The following BBX variants were observed in gnomAD, a reference collection of about 807,000 sequenced individuals.
BBX encodes the protein HMG box transcription factor BBX.
A neutral mutation model predicts 100.2 loss-of-function variants in BBX; 30 were observed. That is an observed-to-expected ratio of 0.30 (90% confidence interval 0.22 to 0.41). BBX has a LOEUF of 0.41. BBX is among the 10% of genes least tolerant of loss of function. The pLI is 1.00. For synonymous variants in BBX, 376 were observed against 388.1 expected, an observed-to-expected ratio of 0.97 and a Z score of 0.37; for missense variants, 1,023 against 1,129.8, an observed-to-expected ratio of 0.91 and a Z score of 1.35.
At chr3:107,712,781 A>G (rs944540826) in intron 4 of BBX, among the ~76,000 whole-genome samples, 2 of 152,200 alleles carry the variant, frequency 1.3e-5, no homozygotes, top group African/African-American at 2.4e-5. Context: ...CTGTGAGGGC[A>G]GGGACTCTGT....
At chr3:107,598,229 T>C (rs1170284551) in intron 2 of BBX, among the ~76,000 whole-genome samples, 3 of 152,220 alleles carry the variant, frequency 2.0e-5, no homozygotes, top group Non-Finnish European at 2.9e-5. Flanking sequence ...CTTAGAACAC[T>C]GCTGACCAAG....
At chr3:107,603,531 A>G (rs760710180) in intron 2 of BBX, among the ~76,000 whole-genome samples, 18 of 151,772 alleles carry the variant, frequency 1.2e-4, no homozygotes, top group South Asian at 4.2e-4. Flanking sequence ...GGTGCATGCC[A>G]CCATGCCTGG....
Position 107,696,337 on chromosome 3 carries a change from G to A in BBX, c.-9-14115G>A, listed in dbSNP as rs574429983. On this transcript the variant is annotated intron_variant, in intron 3 of 17. Coordinates refer to ENST00000325805, the MANE Select transcript of BBX (RefSeq NM_001142568.3). ...GCATGATTTTGCAGTGGCTGGTACC[G>A]GTTGTTCCTTTCCATGTTTAGTGCT... 1.6e-4 allele frequency among the ~76,000 whole-genome samples: 24 copies of A among 151,794 alleles called. 1 individual carries two copies. The South Asian group carries it at 3.5e-3, about 22-fold the overall frequency.
chr3:107,705,717 T>C (rs2061353422), intron 3 of BBX, among the ~76,000 whole-genome samples: 1 of 152,208 alleles, frequency 6.6e-6, no homozygotes. Flanking sequence ...AAGGGTGGAT[T>C]TGCCAACAGT....
intron 6 of BBX, 117 bp downstream of exon 6, chr3:107,729,077 C>T: frequency 1.0e-6 from 1 of 1,001,998 alleles, no homozygotes; most frequent in Non-Finnish European, 1.5e-6. Context: ...TAAGCAGTGG[C>T]AAAGATATAG....
chr3:107,665,492 AC>A lies in BBX; in HGVS notation c.-10+19585del, dbSNP rs368125429. On this transcript the variant is annotated intron_variant, in intron 3 of 17. Coordinates refer to ENST00000325805, the MANE Select transcript of BBX (RefSeq NM_001142568.3). The stretch of plus-strand genomic sequence containing the variant: ...CCACTACCAGAGTCTGAATCTATCT[AC>A]CTTACTGAGCTTTAGGCCCATAACT... Among the ~76,000 whole-genome samples the A allele has an allele frequency of 5.5e-3, 841 of 152,190 alleles. 9 individuals carry two copies. The highest frequency in any genetic ancestry group is 0.018 in the African/African-American group (763 of 41,534).
intron 7 of BBX, among the ~76,000 whole-genome samples, chr3:107,743,923 T>TTTTTTTTTTTTTTTTTTTTTTGA (rs2064340450): frequency 8.7e-6 from 1 of 115,484 alleles, no homozygotes; most frequent in Non-Finnish European, 1.8e-5. Context: ...TAGTGGTTTT[T>TTTTTTTTTTTTTTTTTTTTTTGA]TTTTTTTTTT....
intron 2 of BBX, among the ~76,000 whole-genome samples, chr3:107,615,185 A>G (rs2055156102): frequency 6.6e-6 from 1 of 152,106 alleles, no homozygotes; most frequent in South Asian, 2.1e-4. Flanking sequence ...GAAGAAGTGG[A>G]CTCATTGACC....
chr3:107,642,343 CAAG>C (rs141369094), intron 2 of BBX, among the ~76,000 whole-genome samples: 50 of 152,188 alleles, frequency 3.3e-4, no homozygotes, highest in Non-Finnish European at 6.8e-4. Flanking sequence ...AATAATGAGT[CAAG>C]AAGAAGATAA....
chr3:107,775,420 A>T (rs1300655576), intron 12 of BBX, among the ~76,000 whole-genome samples: 1 of 152,156 alleles, frequency 6.6e-6, no homozygotes, highest in Non-Finnish European at 1.5e-5. Context: ...AGATAAAATC[A>T]CTTAAGAATT....
chr3:107,675,405 C>G (rs907421570), intron 3 of BBX, among the ~76,000 whole-genome samples: 1 of 152,146 alleles, frequency 6.6e-6, no homozygotes, highest in Non-Finnish European at 1.5e-5. Context: ...AGAAGCAGCT[C>G]CTTGTGCCCT....
Position 107,535,036 on chromosome 3 carries a change from C to T in BBX, c.-84+8638C>T, listed in dbSNP as rs537374477. Among the ~76,000 whole-genome samples, 4 of 152,204 alleles carry T rather than the reference C, an allele frequency of 2.6e-5. No individual in the cohort carries two copies. The South Asian group carries it at 6.2e-4, about 24-fold the overall frequency. ...CAACAACTTTCTGATGATAAATACT[C>T]GATTTTAATGACAAGGAAACTAAAT... On this transcript the variant is annotated intron_variant, in intron 2 of 17. Coordinates refer to ENST00000325805, the MANE Select transcript of BBX (RefSeq NM_001142568.3).
At chr3:107,798,765 T>G in intron 16 of BBX, 45 bp downstream of exon 16, 1 of 1,556,408 alleles carries the variant, frequency 6.4e-7, no homozygotes, top group Non-Finnish European at 8.8e-7. Context: ...ATCTTTTAGC[T>G]TCCCTGGGCC....
Position 107,527,509 on chromosome 3 carries a change from C to T in BBX, c.-84+1111C>T, listed in dbSNP as rs188919336. Among the ~76,000 whole-genome samples the T allele has an allele frequency of 7.9e-5, 12 of 152,138 alleles. No individual in the cohort carries two copies. The East Asian group carries it at 2.1e-3, about 27-fold the overall frequency. ...TTAGTATTGAGTTAGAGGACTAGAC[C>T]TTTCTGGTAGTGTCCATTTGGTAAC... On this transcript the variant is annotated intron_variant, in intron 2 of 17. Transcript: ENST00000325805.
chr3:107,769,903 A>C (rs903478059), intron 10 of BBX, among the ~76,000 whole-genome samples: 7 of 152,156 alleles, frequency 4.6e-5, no homozygotes, highest in African/African-American at 1.7e-4. Context: ...TTTTCGGTTA[A>C]TGAGTAGATT....
intron 3 of BBX, among the ~76,000 whole-genome samples, chr3:107,700,500 C>T (rs1053999627): frequency 2.7e-5 from 4 of 149,228 alleles, no homozygotes; most frequent in South Asian, 2.1e-4. Flanking sequence ...AGGTTTGTTA[C>T]GTATGTATAC....
At chr3:107,705,219 G>A (rs528813209) in intron 3 of BBX, among the ~76,000 whole-genome samples, 37 of 152,128 alleles carry the variant, frequency 2.4e-4, no homozygotes, top group Admixed American at 7.2e-4. Flanking sequence ...CCCAGAAGAG[G>A]CCCTATTTGT....
At chr3:107,524,621 G>GC (rs1004100304) in intron 1 of BBX, 1 of 144,144 alleles carries the variant, frequency 6.9e-6, no homozygotes, top group Admixed American at 6.8e-5. Flanking sequence ...CAGAGGGGGG[G>GC]GGGGGGAGAG....
intron 4 of BBX, among the ~76,000 whole-genome samples, chr3:107,713,374 C>T (rs1304377010): frequency 6.6e-6 from 1 of 152,114 alleles, no homozygotes; most frequent in African/African-American, 2.4e-5. Flanking sequence ...AAGTTATCTC[C>T]TTAAAATACA....
Sources: allele counts gnomAD v4.1 joint callset (sites outside exome capture counted in the v4.1 genomes callset), GRCh38; gene constraint gnomAD v4.1.1; transcripts MANE v1.5; gene names NCBI Gene and HGNC (gene_info 2026-07-23, HGNC 2026-07-21).